RARS2: variants seen among roughly 807,000 people sequenced by gnomAD.
RARS2 encodes probable arginine--tRNA ligase, mitochondrial.
RARS2 carries 67 observed loss-of-function variants against 88.5 expected under a neutral mutation model. The observed-to-expected ratio is 0.76, with a 90% CI of 0.62 to 0.93. The LOEUF (loss-of-function observed/expected upper bound fraction) is 0.93. Ranked by LOEUF, RARS2 falls within the 40% of genes least tolerant of loss-of-function variation. The pLI is 0.00. For synonymous variants in RARS2, 239 were observed against 230.3 expected, an observed-to-expected ratio of 1.04 and a Z score of -0.34; for missense variants, 664 against 684.2, an observed-to-expected ratio of 0.97 and a Z score of 0.33.
intron 7 of RARS2, 66 bp from the exon 8 acceptor site, chr6:87,542,060 A>T (rs1781170763): frequency 8.0e-7 from 1 of 1,242,842 alleles, no homozygotes; most frequent in Admixed American, 1.7e-5. Flanking sequence ...ATGACAGGGA[A>T]TAGGTATAAT....
chr6:87,522,080 CA>C (rs1331624028), intron 11 of RARS2, among the ~76,000 whole-genome samples: 2 of 152,128 alleles, frequency 1.3e-5, no homozygotes, highest in African/African-American at 2.4e-5. Context: ...CCTGTAATCC[CA>C]AGCACTTTGG....
intron 10 of RARS2, among the ~76,000 whole-genome samples, chr6:87,525,281 C>T (rs1281129776): frequency 6.6e-6 from 1 of 152,142 alleles, no homozygotes; most frequent in Non-Finnish European, 1.5e-5. Flanking sequence ...TGCTATTTCT[C>T]TGTTTAGCTG....
At chr6:87,568,694 A>T (rs1768702597) in intron 2 of RARS2, among the ~76,000 whole-genome samples, 1 of 152,240 alleles carries the variant, frequency 6.6e-6, no homozygotes, top group Non-Finnish European at 1.5e-5. Flanking sequence ...AGGTGCTTTT[A>T]CTAGAAGGCC....
intron 5 of RARS2, among the ~76,000 whole-genome samples, chr6:87,550,808 GAAA>G (rs34971117): frequency 8.0e-6 from 1 of 124,468 alleles, no homozygotes; most frequent in Admixed American, 8.0e-5. Flanking sequence ...CATTATTTAA[GAAA>G]AAAAAAAAAA....
chr6:87,584,858 T>C, intron 1 of RARS2: 1 of 311,648 alleles, frequency 3.2e-6, no homozygotes. Context: ...GGGGTAACCA[T>C]GCTTCAGAAG....
chr6:87,540,855 C>T (rs1175571448), intron 8 of RARS2, among the ~76,000 whole-genome samples: 1 of 152,106 alleles, frequency 6.6e-6, no homozygotes, highest in Non-Finnish European at 1.5e-5. Flanking sequence ...TCACCTTGGA[C>T]AAAAGCCAGG....
In RARS2 at chr6:87,580,654, T is replaced by A. The variant is rs1773212177; in HGVS notation, c.36+9268A>T. Among the ~76,000 whole-genome samples the A allele has an allele frequency of 2.0e-5, 3 of 151,890 alleles. No homozygotes were observed. The South Asian group carries it at 6.2e-4, about 31-fold the overall frequency. ...TTTGTAGAGATGAAGTCTCACTATA[T>A]CTCAGTATATTGCCCAGGGTGGTCT... On this transcript the variant is annotated intron_variant, in intron 1 of 19. Transcript: ENST00000369536.
At chr6:87,561,616 T>G (rs935458983) in intron 4 of RARS2, among the ~76,000 whole-genome samples, 2 of 152,312 alleles carry the variant, frequency 1.3e-5, no homozygotes, top group African/African-American at 4.8e-5. Context: ...AAAGAAGAAT[T>G]ATCATTAAAA....
At chr6:87,587,508 T>C (rs1775529869) in intron 1 of RARS2, among the ~76,000 whole-genome samples, 1 of 152,334 alleles carries the variant, frequency 6.6e-6, no homozygotes, top group South Asian at 2.1e-4. Flanking sequence ...TGTTCAATGA[T>C]TGGACTGTGC....
intron 1 of RARS2, among the ~76,000 whole-genome samples, chr6:87,582,551 G>GT (rs753048577): frequency 6.6e-6 from 1 of 152,158 alleles, no homozygotes; most frequent in African/African-American, 2.4e-5. Context: ...TCTGATGATA[G>GT]TTTTTTTGTT....
At chr6:87,523,527 A>G (rs1176055227) in intron 11 of RARS2, among the ~76,000 whole-genome samples, 1 of 152,220 alleles carries the variant, frequency 6.6e-6, no homozygotes. Context: ...AAAAAAGAGA[A>G]AGTACAGGTG....
rs543448050 is a variant in RARS2 at position 87,578,109 on chromosome 6, C to CA, written c.37-8520_37-8519insT. On this transcript the variant is annotated intron_variant, in intron 1 of 19. Coordinates refer to ENST00000369536, the MANE Select transcript of RARS2 (RefSeq NM_020320.5). ...CCAGCCTGGGGCAACATAGCGAGAC[C>CA]CCCCCCCCCGCCATCTCTATTTAAA... Among the ~76,000 whole-genome samples the CA allele has an allele frequency of 6.7e-3, 922 of 138,288 alleles. 10 individuals are homozygous for CA. The highest frequency in any genetic ancestry group is 0.012 in the South Asian group (55 of 4,412). 90.7% of individuals were successfully genotyped at this position (138,288 alleles called of 152,430 possible).
intron 1 of RARS2, among the ~76,000 whole-genome samples, chr6:87,580,974 T>C (rs767767518): frequency 1.3e-5 from 2 of 152,170 alleles, no homozygotes; most frequent in African/African-American, 4.8e-5. Flanking sequence ...GATTCTAATA[T>C]AATAGAATCT....
intron 4 of RARS2, among the ~76,000 whole-genome samples, chr6:87,556,331 A>G: frequency 6.6e-6 from 1 of 152,090 alleles, no homozygotes; most frequent in East Asian, 1.9e-4. Context: ...TTTTTGAGAC[A>G]GGCCTTACTC....
Position 87,521,198 on chromosome 6 carries a change from C to CA in RARS2, c.1035+265dup, listed in dbSNP as rs574773522. On this transcript the variant is annotated intron_variant, in intron 12 of 19. Transcript: ENST00000369536. ...CAAATCAGAATTGAAAAATAAAAAACAAAAAAACTTGGTATTATAGTGACC... is the reference window on the plus strand; with the variant it reads ...CAAATCAGAATTGAAAAATAAAAAACAAAAAAAACTTGGTATTATAGTGACC... Among the ~76,000 whole-genome samples the CA allele has an allele frequency of 9.2e-5, 14 of 152,074 alleles. No individual in the cohort carries two copies. In the East Asian group the frequency reaches 2.7e-3, roughly 29 times the overall value.
rs1466617854 is a variant in RARS2, at chr6:87,518,637, G to A, written c.1408C>T (p.Leu470Phe). The A allele has an allele frequency of 6.2e-7, 1 of 1,612,064 alleles. No homozygotes were observed. The change falls in exon 16 of 20, where the codon CTC becomes TTC. Residue 470 changes from leucine (L) to phenylalanine (F), a missense_variant. Leu to Phe is a conservative substitution (Grantham distance 22). Coordinates refer to ENST00000369536, the MANE Select transcript of RARS2 (RefSeq NM_020320.5). The part of the protein sequence containing the change: ...GVFLQYTHAR[L>F]HSLEETFGCG... ...CCTGCAGCCTCTTCTCACCTGTGGA[G>A]GCGGGCGTGTGTGTACTGTAGGAAG...
chr6:87,571,620 A>G (rs192273532), intron 1 of RARS2, among the ~76,000 whole-genome samples: 63 of 152,342 alleles, frequency 4.1e-4, no homozygotes, highest in South Asian at 8.3e-4. Flanking sequence ...GGGAAACAGA[A>G]AAAGTAAGAA....
At chr6:87,569,368 G>A (rs1283500921) in intron 2 of RARS2, 149 bp downstream of exon 2, 4 of 649,160 alleles carry the variant, frequency 6.2e-6, no homozygotes, top group Non-Finnish European at 1.1e-5. Flanking sequence ...GTCAACAGGA[G>A]TAATAGGCTG....
intron 1 of RARS2, among the ~76,000 whole-genome samples, chr6:87,579,984 C>A (rs1205826910): frequency 6.6e-6 from 1 of 151,928 alleles, no homozygotes; most frequent in Non-Finnish European, 1.5e-5. Flanking sequence ...CGTGATCCAC[C>A]CGCCTCCACC....
Sources: gnomAD v4.1 joint callset for allele counts (sites outside exome capture counted in the v4.1 genomes callset) on GRCh38, gnomAD v4.1.1 for gene constraint, MANE v1.5 for transcripts, NCBI Gene and HGNC (gene_info 2026-07-23, HGNC 2026-07-21) for gene names.